The following RAP1GAP2 variants were observed in gnomAD, a reference collection of about 807,000 sequenced individuals.
The protein encoded by RAP1GAP2 is RAP1 GTPase activating protein 2.
Under a neutral mutation model 95.0 loss-of-function variants are expected in RAP1GAP2, and 27 were observed. The observed-to-expected ratio is 0.28, with a 90% CI of 0.21 to 0.39. RAP1GAP2 has a LOEUF of 0.39. Among genes scored for constraint, RAP1GAP2 ranks in the 10% least tolerant of loss-of-function variants. The pLI is 1.00. For missense variants in RAP1GAP2, 771 were observed against 970.0 expected (o/e 0.79, Z 2.72); for synonymous variants, 373 against 380.9 (o/e 0.98, Z 0.24).
chr17:2,936,425 T>C (rs2043313193), intron 3 of RAP1GAP2, among the ~76,000 whole-genome samples: 1 of 151,574 alleles, frequency 6.6e-6, no homozygotes, highest in Non-Finnish European at 1.5e-5. Context: ...GCCAGCCAGA[T>C]TCTCCTTTGT....
chr17:2,854,686 A>G (rs1245107896), intron 2 of RAP1GAP2, among the ~76,000 whole-genome samples: 4 of 152,232 alleles, frequency 2.6e-5, no homozygotes, highest in Non-Finnish European at 4.4e-5. Context: ...TAGCTATTTC[A>G]GAGACATTTT....
intron 3 of RAP1GAP2, among the ~76,000 whole-genome samples, chr17:2,929,904 T>C (rs898824617): frequency 6.6e-6 from 1 of 151,906 alleles, no homozygotes; most frequent in Non-Finnish European, 1.5e-5. Context: ...ACTTCTCCAG[T>C]AGACATGGCC....
intron 2 of RAP1GAP2, among the ~76,000 whole-genome samples, chr17:2,864,600 G>T (rs2072548222): frequency 6.6e-6 from 1 of 152,246 alleles, no homozygotes; most frequent in South Asian, 2.1e-4. Context: ...TACGGTGTGG[G>T]GAGCAGGAGG....
Position 2,903,015 on chromosome 17 carries a change from G to A in RAP1GAP2, c.81-2269G>A, listed in dbSNP as rs1348348083. Among the ~76,000 whole-genome samples the A allele has an allele frequency of 6.6e-6, 1 of 152,218 alleles. No homozygotes were observed. On this transcript the variant is annotated intron_variant, in intron 2 of 24. Coordinates refer to ENST00000254695, the MANE Select transcript of RAP1GAP2 (RefSeq NM_015085.5). This position sits in a 1 kb window ranked among gnomAD's most constrained non-coding sequence, Gnocchi z 4.1. Reference sequence around the variant, plus strand: ...AACCAGCTCTGTCCTCCTCTGGACTGTGTGTTTCTGGAGAGCCAGGGCTGC... The same window carrying A: ...AACCAGCTCTGTCCTCCTCTGGACTATGTGTTTCTGGAGAGCCAGGGCTGC...
chr17:2,800,408 C>T, intron 1 of RAP1GAP2, 107 bp from the exon 2 acceptor site: 2 of 1,413,754 alleles, frequency 1.4e-6, no homozygotes, highest in African/African-American at 1.4e-5. Context: ...CCTGACAGAG[C>T]CCTGCTGTCT....
intron 3 of RAP1GAP2, among the ~76,000 whole-genome samples, chr17:2,924,575 G>A (rs1478982234): frequency 6.6e-6 from 1 of 151,724 alleles, no homozygotes; most frequent in Non-Finnish European, 1.5e-5. Context: ...GGGAAGGAAG[G>A]TGGAAGATGG....
chr17:2,831,861 A>G (rs2070867825), intron 2 of RAP1GAP2, among the ~76,000 whole-genome samples: 1 of 151,822 alleles, frequency 6.6e-6, no homozygotes, highest in Admixed American at 6.6e-5. Flanking sequence ...TGCCATTGCA[A>G]TCCAGGCTGG....
intron 3 of RAP1GAP2, among the ~76,000 whole-genome samples, chr17:2,935,504 T>TCACA (rs376852482): frequency 1.3e-5 from 2 of 150,494 alleles, no homozygotes; most frequent in South Asian, 2.1e-4. Flanking sequence ...TGAAACTCTG[T>TCACA]CACACACACA....
intron 1 of RAP1GAP2, among the ~76,000 whole-genome samples, chr17:2,778,246 C>T (rs1292072980): frequency 6.6e-6 from 1 of 151,526 alleles, no homozygotes; most frequent in Non-Finnish European, 1.5e-5. Context: ...TCTGGTCCCT[C>T]CTTCTTCCCA....
chr17:2,836,735 A>C (rs889677676), intron 2 of RAP1GAP2, among the ~76,000 whole-genome samples: 3 of 152,154 alleles, frequency 2.0e-5, no homozygotes, highest in Non-Finnish European at 4.4e-5. Flanking sequence ...ATTTGTACCT[A>C]TCTCTTGGCT....
intron 24 of RAP1GAP2, among the ~76,000 whole-genome samples, chr17:3,032,728 A>G (rs1265169096): frequency 6.7e-6 from 1 of 148,502 alleles, no homozygotes; most frequent in East Asian, 1.9e-4. Flanking sequence ...GCAGAAGGGG[A>G]GTCGCCCAAG....
At chr17:2,851,764 G>T (rs530662880) in intron 2 of RAP1GAP2, among the ~76,000 whole-genome samples, 16 of 152,108 alleles carry the variant, frequency 1.1e-4, no homozygotes, top group Non-Finnish European at 2.4e-4. Context: ...GAGAGGTGGG[G>T]TCTCACTATG....
intron 14 of RAP1GAP2, among the ~76,000 whole-genome samples, chr17:3,001,662 G>A (rs1311320960): frequency 6.6e-6 from 1 of 152,232 alleles, no homozygotes; most frequent in Non-Finnish European, 1.5e-5. Flanking sequence ...CAGCCACTGG[G>A]CAGCTGAACT....
chr17:2,819,939 C>G (rs549204778), intron 2 of RAP1GAP2, among the ~76,000 whole-genome samples: 96 of 152,076 alleles, frequency 6.3e-4, no homozygotes, highest in African/African-American at 2.2e-3. Flanking sequence ...CATGCACCAC[C>G]ATGCTTGGTT....
rs543550870 is a variant in RAP1GAP2 at position 2,797,779 on chromosome 17, G to T, written c.44+1208G>T. The T allele has an allele frequency of 6.7e-5, 66 of 985,250 alleles. No individual in the cohort carries two copies. The highest frequency in any genetic ancestry group is 4.8e-5 in the Non-Finnish European group (40 of 829,928). The allele number at this position is 985,250 out of a possible 1,614,324, so 61.0% of individuals were successfully genotyped here. ...GCCTGGATCTGGGAGCTGCCACCCC[G>T]AGGGTAGGTGCCAGTGTCCGGGAGG... On this transcript the variant is annotated intron_variant, in intron 1 of 24. Coordinates refer to ENST00000254695, the MANE Select transcript of RAP1GAP2 (RefSeq NM_015085.5). The surrounding 1 kb of genome is among the most constrained non-coding windows in gnomAD (Gnocchi z 5.6).
chr17:2,838,269 C>T (rs997825886), intron 2 of RAP1GAP2, among the ~76,000 whole-genome samples: 18 of 150,284 alleles, frequency 1.2e-4, no homozygotes, highest in South Asian at 2.1e-4. Flanking sequence ...CCGCCCGCCT[C>T]GGCCTCCCAA....
chr17:2,762,177 C>T (rs568726925), intron 1 of RAP1GAP2, among the ~76,000 whole-genome samples: 17 of 151,082 alleles, frequency 1.1e-4, no homozygotes, highest in African/African-American at 2.7e-4. Context: ...TTAGTAGAGA[C>T]GGGGTTTCAC....
intron 8 of RAP1GAP2, among the ~76,000 whole-genome samples, chr17:2,974,348 C>CAA (rs72111109): frequency 0.021 from 2,727 of 131,730 alleles, 109 homozygotes; most frequent in African/African-American, 0.07. Context: ...GATTCCATCT[C>CAA]AAAAAAAAAA....
intron 2 of RAP1GAP2, among the ~76,000 whole-genome samples, chr17:2,812,568 A>C (rs1159707624): frequency 1.3e-5 from 2 of 151,964 alleles, no homozygotes; most frequent in Admixed American, 6.6e-5. Context: ...AGGGACCCCC[A>C]GCCCCCATCT....
Sources: gnomAD v4.1 joint callset for allele counts (sites outside exome capture counted in the v4.1 genomes callset) on GRCh38, gnomAD v4.1.1 for gene constraint, Gnocchi (gnomAD v3.1) non-coding constraint, MANE v1.5 for transcripts, NCBI Gene and HGNC (gene_info 2026-07-23, HGNC 2026-07-21) for gene names.